The following AFG3L2 variants were observed in gnomAD, a reference collection of about 807,000 sequenced individuals.
AFG3L2 encodes AFG3 like matrix AAA peptidase subunit 2.
AFG3L2 carries 54 observed loss-of-function variants against 94.5 expected under a neutral mutation model. That is an observed-to-expected ratio of 0.57 (90% CI 0.46 to 0.72). The LOEUF is 0.72. Ranked by LOEUF, AFG3L2 falls within the 30% of genes least tolerant of loss-of-function variation. The pLI is 0.00. For synonymous variants in AFG3L2, 377 were observed against 365.5 expected, an observed-to-expected ratio of 1.03 and a Z score of -0.36; for missense variants, 754 against 994.9, an observed-to-expected ratio of 0.76 and a Z score of 3.26.
intron 14 of AFG3L2, chr18:12,343,840 A>C (rs1435601177): frequency 6.1e-6 from 3 of 487,982 alleles, no homozygotes; most frequent in Non-Finnish European, 1.1e-5. Context: ...TTTGGCAAGA[A>C]AGCCACAGGC....
At position 12,353,118 on chromosome 18, in the gene AFG3L2, C is replaced by T; in HGVS notation, c.1205G>A (p.Cys402Tyr). 6.2e-7 allele frequency: 1 copy of T among 1,614,186 alleles called. No homozygotes were observed. The highest frequency in any genetic ancestry group is 8.5e-7 in the Non-Finnish European group (1 of 1,180,028). ...LFALARKNAP[C>Y]ILFIDEIDAV... is the part of the protein sequence containing the mutation. ...ATCGATTTCATCGATGAAGAGGATG[C>T]AAGGGGCATTCTTCCGAGCAAGGGC... The change falls in exon 10 of 17, where the codon TGC becomes TAC. Residue 402 changes from cysteine to tyrosine, a missense_variant. This residue lies in a region of AFG3L2 where 109 missense variants were observed against 227.1 expected (regional missense o/e 0.48). Transcript: ENST00000269143.
intron 6 of AFG3L2, 148 bp downstream of exon 6, chr18:12,363,634 T>C: frequency 1.5e-6 from 1 of 676,988 alleles, no homozygotes; most frequent in Non-Finnish European, 2.7e-6. Context: ...TTTCCACTGA[T>C]GTTAGTAAGA....
chr18:12,349,954 AC>A (rs146915061), intron 12 of AFG3L2, among the ~76,000 whole-genome samples: 5,095 of 139,256 alleles, frequency 0.037, 262 homozygotes, highest in African/African-American at 0.13. Flanking sequence ...GAGCCACCGT[AC>A]CTGGCCAAAA....
chr18:12,374,124 C>T (rs1429971226), intron 1 of AFG3L2, among the ~76,000 whole-genome samples: 1 of 151,708 alleles, frequency 6.6e-6, no homozygotes, highest in Non-Finnish European at 1.5e-5. Flanking sequence ...ATATCCCTAG[C>T]AATAATCCGT....
At chr18:12,353,444 G>A (rs926949236) in intron 9 of AFG3L2, among the ~76,000 whole-genome samples, 3 of 150,058 alleles carry the variant, frequency 2.0e-5, no homozygotes, top group African/African-American at 4.9e-5. Flanking sequence ...AACCTGGGAG[G>A]CAGAGGTTGC....
At chr18:12,340,762 AT>A (rs2143127094) in intron 14 of AFG3L2, among the ~76,000 whole-genome samples, 2 of 151,884 alleles carry the variant, frequency 1.3e-5, no homozygotes, top group South Asian at 4.2e-4. Context: ...GGCCTGGCTA[AT>A]TTTTTATTTT....
At chr18:12,343,128 C>T (rs1233402428) in intron 14 of AFG3L2, 8 of 152,160 alleles carry the variant, frequency 5.3e-5, no homozygotes, top group Non-Finnish European at 1.2e-4. Context: ...GGCTTGTTAT[C>T]AATGTGCATG....
In AFG3L2 at chr18:12,359,995, A is replaced by G. The variant is rs762283074; in HGVS notation, c.684T>C (p.Thr228=). 12 of 1,614,196 alleles carry G rather than the reference A, an allele frequency of 7.4e-6. No homozygotes were observed. In the South Asian group the frequency reaches 9.9e-5, roughly 13 times the overall value. ...SVDTFERNLE[T]LQQELGIEGE... is the part of the protein sequence containing the mutation. ...CTTCTATGCCCAATTCCTGCTGTAAAGTTTCCAGATTCCGTTCAAAGGTGT... is the reference window on the plus strand; with the variant it reads ...CTTCTATGCCCAATTCCTGCTGTAAGGTTTCCAGATTCCGTTCAAAGGTGT... The change falls in exon 7 of 17, where the codon ACT becomes ACC. Residue 228 remains threonine, a synonymous_variant. Coordinates refer to ENST00000269143, the MANE Select transcript of AFG3L2 (RefSeq NM_006796.3).
Position 12,366,831 on chromosome 18 carries a change from T to C in AFG3L2, c.552+134A>G, listed in dbSNP as rs535069623. 26 of 1,273,798 alleles carry C rather than the reference T, an allele frequency of 2.0e-5. No individual in the cohort carries two copies. The African/African-American group carries it at 3.7e-4, about 18-fold the overall frequency. 78.9% of individuals were successfully genotyped at this position (1,273,798 alleles called of 1,614,324 possible). A position where few individuals can be genotyped will look rare whatever the true frequency, so the allele number is the denominator to read the frequency against. On this transcript the variant is annotated intron_variant, in intron 5 of 16. Coordinates refer to ENST00000269143, the MANE Select transcript of AFG3L2 (RefSeq NM_006796.3). ...CTCTAGTTGCAGTACTTCTCAGCAT[T>C]AGAAAAATCTGAGTGAAAATAACAA...
chr18:12,340,537 G>C lies in AFG3L2; in HGVS notation c.1780-136C>G, dbSNP rs1053254731. 95 of 757,608 alleles carry C rather than the reference G, an allele frequency of 1.3e-4. No homozygotes were observed. In the African/African-American group the frequency reaches 1.4e-3, roughly 11 times the overall value. 46.9% of individuals were successfully genotyped at this position (757,608 alleles called of 1,614,324 possible). A position where few individuals can be genotyped will look rare whatever the true frequency, so the allele number is the denominator to read the frequency against. On this transcript the variant is annotated intron_variant, in intron 14 of 16. Coordinates refer to ENST00000269143, the MANE Select transcript of AFG3L2 (RefSeq NM_006796.3). ...CAGTTCATCAGCCTTAGTGGGATGT[G>C]ATCTAGCAGTGACTGCTCAGGAGGA...
At chr18:12,344,644 A>G (rs1908073107) in intron 13 of AFG3L2, among the ~76,000 whole-genome samples, 1 of 152,092 alleles carries the variant, frequency 6.6e-6, no homozygotes, top group South Asian at 2.1e-4. Context: ...GCTGCACTCC[A>G]GCCTGGGCTA....
intron 16 of AFG3L2, among the ~76,000 whole-genome samples, chr18:12,332,250 A>G (rs981624139): frequency 6.7e-6 from 1 of 148,236 alleles, no homozygotes; most frequent in Admixed American, 6.9e-5. Context: ...CAGCCTCCCC[A>G]GTAGTTGGGA....
At chr18:12,346,286 G>A (rs1056400251) in intron 13 of AFG3L2, among the ~76,000 whole-genome samples, 2 of 152,086 alleles carry the variant, frequency 1.3e-5, no homozygotes, top group African/African-American at 4.8e-5. Context: ...TCTCTCCCAG[G>A]AGGGTGGCTC....
intron 6 of AFG3L2, 45 bp downstream of exon 6, chr18:12,363,737 A>C (rs1908727628): frequency 6.7e-7 from 1 of 1,503,116 alleles, no homozygotes; most frequent in African/African-American, 1.4e-5. Flanking sequence ...AAATCTGAAA[A>C]AGTTAATTTA....
intron 16 of AFG3L2, among the ~76,000 whole-genome samples, chr18:12,332,932 C>CTATATAATATATATATATTA (rs1282089860): frequency 8.8e-6 from 1 of 113,046 alleles, no homozygotes; most frequent in South Asian, 2.5e-4. Context: ...ATAACATATA[C>CTATATAATATATATATATTA]TATATAACAT....
At chr18:12,335,441 CTCCCTTCCTCCT>C (rs1907711739) in intron 16 of AFG3L2, among the ~76,000 whole-genome samples, 1 of 151,950 alleles carries the variant, frequency 6.6e-6, no homozygotes. Context: ...CTCCCCTTTT[CTCCCTTCCTCCT>C]TCCCTTCCTG....
At chr18:12,333,361 T>TA (rs1907644486) in intron 16 of AFG3L2, among the ~76,000 whole-genome samples, 1 of 133,306 alleles carries the variant, frequency 7.5e-6, no homozygotes, top group African/African-American at 2.8e-5. Context: ...ATTATATATA[T>TA]ATATTTTTTC....
chr18:12,367,809 C>CG (rs1908852761), intron 3 of AFG3L2, among the ~76,000 whole-genome samples: 1 of 152,016 alleles, frequency 6.6e-6, no homozygotes, highest in Non-Finnish European at 1.5e-5. Flanking sequence ...ACCAGAATTT[C>CG]GGGGGGCCAA....
At chr18:12,364,742 T>C (rs1443561761) in intron 5 of AFG3L2, among the ~76,000 whole-genome samples, 1 of 152,182 alleles carries the variant, frequency 6.6e-6, no homozygotes, top group Non-Finnish European at 1.5e-5. Flanking sequence ...CATAGCTCAC[T>C]GCAGCCTCAA....
Sources: gnomAD v4.1 joint callset for allele counts (sites outside exome capture counted in the v4.1 genomes callset) on GRCh38, gnomAD v4.1.1 for gene constraint, gnomAD v4.1.1 regional missense constraint, MANE v1.5 for transcripts, NCBI Gene and HGNC (gene_info 2026-07-23, HGNC 2026-07-21) for gene names.